FBXO42: variants seen among roughly 807,000 people sequenced by gnomAD.
FBXO42 encodes the protein F-box protein 42.
In FBXO42, 12 loss-of-function variants were observed where a neutral mutation model predicts 71.7. That is an observed-to-expected ratio of 0.17 (90% CI 0.11 to 0.27). FBXO42 has a LOEUF of 0.27. Among genes scored for constraint, FBXO42 ranks in the 10% least tolerant of loss-of-function variants. The probability of loss-of-function intolerance (pLI) is 1.00; values close to 1 mark genes in which losing one functional copy is unlikely to be tolerated. For missense variants in FBXO42, 707 were observed against 911.9 expected, an observed-to-expected ratio of 0.78 and a Z score of 2.89; for synonymous variants, 325 against 327.5, an observed-to-expected ratio of 0.99 and a Z score of 0.08.
intron 4 of FBXO42, among the ~76,000 whole-genome samples, chr1:16,290,544 T>C (rs1353423467): frequency 2.0e-5 from 3 of 151,874 alleles, no homozygotes; most frequent in Admixed American, 6.6e-5. Context: ...ATACAAAAAT[T>C]AGCCAGGCAT....
chr1:16,257,524 G>C (rs2081658983), intron 4 of FBXO42, among the ~76,000 whole-genome samples: 1 of 152,188 alleles, frequency 6.6e-6, no homozygotes. Context: ...AAACTTTAGA[G>C]ATAACAAATG....
At chr1:16,265,893 T>C (rs1325236463) in intron 4 of FBXO42, among the ~76,000 whole-genome samples, 1 of 152,168 alleles carries the variant, frequency 6.6e-6, no homozygotes, top group Non-Finnish European at 1.5e-5. Flanking sequence ...ACAGGTGTCT[T>C]AGGCAATAAT....
intron 1 of FBXO42, among the ~76,000 whole-genome samples, chr1:16,337,147 A>G (rs1235663497): frequency 6.6e-6 from 1 of 152,198 alleles, no homozygotes; most frequent in Non-Finnish European, 1.5e-5. Context: ...ATCTCATTCA[A>G]TATCTCCTAA....
At chr1:16,308,032 A>G (rs1251309858) in intron 2 of FBXO42, among the ~76,000 whole-genome samples, 1 of 152,234 alleles carries the variant, frequency 6.6e-6, no homozygotes, top group Non-Finnish European at 1.5e-5. Context: ...CCTGACTTCA[A>G]GACTTACTAT....
intron 2 of FBXO42, among the ~76,000 whole-genome samples, chr1:16,312,565 CTATTATGA>C (rs2082323345): frequency 6.6e-6 from 1 of 151,994 alleles, no homozygotes; most frequent in Non-Finnish European, 1.5e-5. Context: ...GGCAGTGAAG[CTATTATGA>C]TATTATAACA....
intron 1 of FBXO42, among the ~76,000 whole-genome samples, chr1:16,331,389 T>C (rs1170039460): frequency 1.3e-5 from 2 of 151,338 alleles, no homozygotes; most frequent in African/African-American, 4.9e-5. Flanking sequence ...CACTCCAGCC[T>C]GGGCGACAGA....
intron 4 of FBXO42, among the ~76,000 whole-genome samples, chr1:16,273,097 T>C (rs1257373793): frequency 6.6e-6 from 1 of 152,134 alleles, no homozygotes; most frequent in Non-Finnish European, 1.5e-5. Context: ...CTGAGTACTG[T>C]ATTGTATGTA....
intron 3 of FBXO42, 32 bp downstream of exon 3, chr1:16,305,771 G>C (rs901522130): frequency 1.3e-6 from 2 of 1,548,294 alleles, no homozygotes; most frequent in African/African-American, 2.7e-5. Flanking sequence ...ACCACAGGCA[G>C]GGTGGAATCT....
chr1:16,272,319 G>A (rs2081855897), intron 4 of FBXO42, among the ~76,000 whole-genome samples: 1 of 151,260 alleles, frequency 6.6e-6, no homozygotes, highest in East Asian at 2.0e-4. Flanking sequence ...GAGTGCAATG[G>A]CACGATCTTG....
intron 1 of FBXO42, among the ~76,000 whole-genome samples, chr1:16,323,790 G>A (rs1339751067): frequency 1.1e-5 from 1 of 93,524 alleles, no homozygotes; most frequent in Non-Finnish European, 2.0e-5. Context: ...GCAAGACTCT[G>A]TCTCAAAAAA....
intron 2 of FBXO42, among the ~76,000 whole-genome samples, chr1:16,309,260 G>A (rs2082287868): frequency 6.7e-6 from 1 of 149,876 alleles, no homozygotes; most frequent in Admixed American, 6.7e-5. Flanking sequence ...TGTATTTTTA[G>A]TAGAGATGGG....
chr1:16,265,104 A>AT (rs61051049), intron 4 of FBXO42, among the ~76,000 whole-genome samples: 1 of 152,132 alleles, frequency 6.6e-6, no homozygotes, highest in Non-Finnish European at 1.5e-5. Context: ...GTATGTATAT[A>AT]TTTTTTGAGA....
Position 16,252,276 on chromosome 1 carries a change from C to G in FBXO42, c.1038+12G>C. 6.2e-7 allele frequency: 1 copy of G among 1,602,456 alleles called. No individual in the cohort carries two copies. The highest frequency in any genetic ancestry group is 8.6e-7 in the Non-Finnish European group (1 of 1,169,364). ...ACCTGTCCTCCTGCTAGCCTGTCAG[C>G]TCCCTGCTTACCCGGCAAGCTGGAT... On this transcript the variant is annotated intron_variant, in intron 9 of 9. Transcript: ENST00000375592. This position sits in a 1 kb window ranked among gnomAD's most constrained non-coding sequence, Gnocchi z 4.4.
Position 16,247,820 on chromosome 1 carries a change from G to GCA in FBXO42, c.*2849_*2850insTG, listed in dbSNP as rs1457273765. ...ATGAAAACACAAAACCCGCTCTGCT[G>GCA]TATAACCTGTGAAATAAGAGAACAG... On this transcript the variant is annotated 3_prime_UTR_variant, in exon 10 of 10. Transcript: ENST00000375592. 6.6e-6 allele frequency: 1 copy of GCA among 152,186 alleles called. No homozygotes were observed. Among genetic ancestry groups the GCA allele is most frequent in the African/African-American group, 2.4e-5 (1 of 41,432 alleles). 9.4% of individuals were successfully genotyped at this position (152,186 alleles called of 1,614,324 possible).
intron 1 of FBXO42, among the ~76,000 whole-genome samples, chr1:16,347,088 A>G (rs539815686): frequency 2.6e-4 from 39 of 152,218 alleles, no homozygotes; most frequent in Admixed American, 6.6e-4. Flanking sequence ...GCCATATATA[A>G]TAACTATACA....
At chr1:16,278,682 C>G (rs770350268) in intron 4 of FBXO42, among the ~76,000 whole-genome samples, 3 of 152,154 alleles carry the variant, frequency 2.0e-5, no homozygotes, top group South Asian at 2.1e-4. Context: ...ACGGGACTGA[C>G]AGCCCCATAT....
Position 16,283,496 on chromosome 1 carries a change from T to TTTTTTTTTTTG in FBXO42, c.502+11286_502+11287insCAAAAAAAAAA, listed in dbSNP as rs1456936322. Among the ~76,000 whole-genome samples, 48 of 94,132 alleles carry TTTTTTTTTTTG rather than the reference T, an allele frequency of 5.1e-4. 3 individuals are homozygous for TTTTTTTTTTTG. Among genetic ancestry groups the TTTTTTTTTTTG allele is most frequent in the East Asian group, 2.6e-3 (5 of 1,934 alleles). The allele number at this position is 94,132 out of a possible 152,430, so 61.8% of individuals were successfully genotyped here. On this transcript the variant is annotated intron_variant, in intron 4 of 9. Transcript: ENST00000375592. Reference sequence around the variant, plus strand: ...ATAGACTCTTCTAACTGTGGCAAGTTTTTTTTTTTTTTTTTTTTTTTGAGA... The same window carrying TTTTTTTTTTTG: ...ATAGACTCTTCTAACTGTGGCAAGTTTTTTTTTTTTGTTTTTTTTTTTTTTTTTTTTTGAGA...
intron 1 of FBXO42, among the ~76,000 whole-genome samples, chr1:16,319,306 A>G (rs775873339): frequency 2.6e-5 from 4 of 152,256 alleles, no homozygotes; most frequent in Non-Finnish European, 5.9e-5. Context: ...TGCACTAATT[A>G]TGTGTAACAT....
intron 1 of FBXO42, among the ~76,000 whole-genome samples, chr1:16,342,066 C>A (rs1470834452): frequency 6.6e-6 from 1 of 151,046 alleles, no homozygotes. Context: ...CACCTGAGCC[C>A]AGGGGTTCAG....
Sources: allele counts gnomAD v4.1 joint callset (sites outside exome capture counted in the v4.1 genomes callset), GRCh38; gene constraint gnomAD v4.1.1; non-coding constraint Gnocchi (gnomAD v3.1); transcripts MANE v1.5; gene names NCBI Gene and HGNC (gene_info 2026-07-23, HGNC 2026-07-21).